Variants in AFF3 observed in about 807,000 individuals in gnomAD.
AFF3 encodes ALF transcription elongation factor 3, also known as AF4/FMR2 family member 3.
A neutral mutation model predicts 129.7 loss-of-function variants in AFF3; 32 were observed. The observed-to-expected ratio is 0.25, with a 90% CI of 0.19 to 0.33. AFF3 has a LOEUF of 0.33. AFF3 is among the 10% of genes least tolerant of loss of function. AFF3 has a pLI of 1.00. For synonymous variants in AFF3, 644 were observed against 635.4 expected (o/e 1.01, Z -0.20); for missense variants, 1,373 against 1,592.0 (o/e 0.86, Z 2.34).
At chr2:99,925,044 T>A (rs891116643) in intron 7 of AFF3, among the ~76,000 whole-genome samples, 1 of 151,792 alleles carries the variant, frequency 6.6e-6, no homozygotes, top group Non-Finnish European at 1.5e-5. Flanking sequence ...TTCAGCTAAT[T>A]TTTTACATTT....
chr2:99,906,900 T>C (rs536711018), intron 7 of AFF3, among the ~76,000 whole-genome samples: 2 of 151,768 alleles, frequency 1.3e-5, no homozygotes, highest in African/African-American at 4.8e-5. Context: ...ATATATCGCC[T>C]ACTGTTTCTG....
intron 4 of AFF3, among the ~76,000 whole-genome samples, chr2:100,042,828 T>C (rs1179101972): frequency 6.6e-6 from 1 of 152,234 alleles, no homozygotes; most frequent in Non-Finnish European, 1.5e-5. Context: ...AGTTGCTTAA[T>C]AAATACTGCT....
At chr2:99,858,233 G>A (rs764835108) in intron 7 of AFF3, among the ~76,000 whole-genome samples, 1 of 152,060 alleles carries the variant, frequency 6.6e-6, no homozygotes, top group Admixed American at 6.6e-5. Context: ...GGCCCACAAC[G>A]GAAGCAAAGT....
chr2:99,922,467 A>G (rs1338506560), intron 7 of AFF3, among the ~76,000 whole-genome samples: 2 of 152,230 alleles, frequency 1.3e-5, no homozygotes, highest in Non-Finnish European at 2.9e-5. Flanking sequence ...AAGAAGCCAG[A>G]AACTTAAGGC....
chr2:99,601,458 G>C lies in AFF3; in HGVS notation c.1348C>G (p.Pro450Ala), dbSNP rs762811475. 1.9e-6 allele frequency: 3 copies of C among 1,608,514 alleles called. No individual in the cohort carries two copies. Among genetic ancestry groups the C allele is most frequent in the South Asian group, 2.2e-5 (2 of 90,122 alleles). ...SSSSESEGSK[P>A]PHFSSPEAEP... is the part of the protein sequence containing the mutation. ...ACCTCGGGGCTGGAGAAGTGGGGGG[G>C]CTTGCTGCCCTCACTCTCGCTGGAG... Residue 450 changes from proline (P) to alanine (A), a missense_variant, in exon 14 of 25, where the codon CCC becomes GCC. Physicochemically the swap from Pro to Ala is conservative, Grantham distance 27. This residue lies in a region of AFF3 where 413 missense variants were observed against 424.4 expected (regional missense o/e 0.97). Transcript: ENST00000672756.
intron 7 of AFF3, among the ~76,000 whole-genome samples, chr2:99,864,187 T>C (rs933873261): frequency 2.0e-5 from 3 of 152,204 alleles, no homozygotes; most frequent in African/African-American, 7.2e-5. Context: ...GATGGCTGCA[T>C]AACACAGGCA....
chr2:99,569,085 A>G (rs1434143638), intron 18 of AFF3, among the ~76,000 whole-genome samples, 170 bp from the exon 19 acceptor site: 2 of 152,242 alleles, frequency 1.3e-5, no homozygotes, highest in Non-Finnish European at 2.9e-5. Context: ...AAATACCACA[A>G]TACATTTTCT....
At chr2:100,091,430 G>T (rs1689848790) in intron 4 of AFF3, among the ~76,000 whole-genome samples, 1 of 143,900 alleles carries the variant, frequency 6.9e-6, no homozygotes, top group African/African-American at 2.6e-5. Context: ...AATTAGACAA[G>T]CTCACTAATT....
At chr2:100,096,072 C>T (rs1277890329) in intron 4 of AFF3, among the ~76,000 whole-genome samples, 1 of 151,936 alleles carries the variant, frequency 6.6e-6, no homozygotes, top group Non-Finnish European at 1.5e-5. Context: ...TGACCCCACC[C>T]CCAACACTCC....
At chr2:99,809,262 C>T (rs937605771) in intron 8 of AFF3, among the ~76,000 whole-genome samples, 2 of 152,174 alleles carry the variant, frequency 1.3e-5, no homozygotes, top group Non-Finnish European at 2.9e-5. Flanking sequence ...GACAGCAGAG[C>T]GCTTTAGCTG....
At chr2:99,729,813 T>C (rs1679666906) in intron 10 of AFF3, among the ~76,000 whole-genome samples, 1 of 129,298 alleles carries the variant, frequency 7.7e-6, no homozygotes, top group African/African-American at 2.9e-5. Flanking sequence ...AGGGTCCTCC[T>C]GTTTGTGTCA....
At chr2:99,653,682 G>C (rs1445746329) in intron 12 of AFF3, among the ~76,000 whole-genome samples, 2 of 152,146 alleles carry the variant, frequency 1.3e-5, no homozygotes, top group African/African-American at 4.8e-5. Flanking sequence ...CTTAGAGCAA[G>C]GGCTGCTTTC....
chr2:99,956,868 G>C (rs1307270530), intron 7 of AFF3, among the ~76,000 whole-genome samples: 1 of 152,218 alleles, frequency 6.6e-6, no homozygotes, highest in Non-Finnish European at 1.5e-5. Flanking sequence ...TTGCTGCCGT[G>C]ACTGAAGAGG....
At chr2:99,868,016 C>CTTT (rs531223035) in intron 7 of AFF3, among the ~76,000 whole-genome samples, 1,363 of 136,156 alleles carry the variant, frequency 0.01, 21 homozygotes, top group Admixed American at 0.023. Flanking sequence ...CTCTTTCTTT[C>CTTT]CTTTTTTTTT....
intron 13 of AFF3, among the ~76,000 whole-genome samples, chr2:99,628,865 C>T (rs569831445): frequency 2.6e-5 from 4 of 152,012 alleles, no homozygotes; most frequent in South Asian, 2.1e-4. Flanking sequence ...GGATTACAGG[C>T]GCGTGCCACC....
intron 7 of AFF3, among the ~76,000 whole-genome samples, chr2:99,844,808 A>G (rs1451976836): frequency 6.6e-6 from 1 of 152,166 alleles, no homozygotes; most frequent in Non-Finnish European, 1.5e-5. Context: ...GAAAATGTTC[A>G]TGGGTACCAT....
At chr2:100,107,080 T>C in intron 2 of AFF3, 1 of 985,456 alleles carries the variant, frequency 1.0e-6, no homozygotes, top group Non-Finnish European at 1.2e-6. Context: ...TGATTTTCTG[T>C]TTGGGGCCTC....
chr2:99,814,707 A>G (rs895024053), intron 8 of AFF3, among the ~76,000 whole-genome samples: 6 of 152,166 alleles, frequency 3.9e-5, no homozygotes, highest in Non-Finnish European at 8.8e-5. Context: ...AAGAAGGAGA[A>G]ATACAAGGCA....
At chr2:100,127,891 A>G (rs1692264085) in intron 2 of AFF3, among the ~76,000 whole-genome samples, 1 of 152,196 alleles carries the variant, frequency 6.6e-6, no homozygotes, top group Non-Finnish European at 1.5e-5. Flanking sequence ...CATTTAAGGC[A>G]TTCTAATTCA....
Sources: gnomAD v4.1 joint callset for allele counts (sites outside exome capture counted in the v4.1 genomes callset) on GRCh38, gnomAD v4.1.1 for gene constraint, gnomAD v4.1.1 regional missense constraint, MANE v1.5 for transcripts, NCBI Gene and HGNC (gene_info 2026-07-23, HGNC 2026-07-21) for gene names.